Variants in DGKI observed in about 807,000 individuals in gnomAD.
The protein encoded by DGKI is diacylglycerol kinase iota.
DGKI carries 55 observed loss-of-function variants against 147.5 expected under a neutral mutation model. The ratio of observed to expected loss-of-function variants is 0.37; its 90% CI spans 0.30 to 0.47. DGKI has a LOEUF of 0.47. Ranked by LOEUF, DGKI falls within the 20% of genes least tolerant of loss-of-function variation. The pLI is 1.00. For missense variants in DGKI, 1,007 were observed against 1,323.8 expected, an observed-to-expected ratio of 0.76 and a Z score of 3.71; for synonymous variants, 469 against 477.1, an observed-to-expected ratio of 0.98 and a Z score of 0.22.
In DGKI at chr7:137,397,524, T is replaced by C. The variant is rs1264427257; in HGVS notation, c.2921-111A>G. On this transcript the variant is annotated intron_variant, in intron 30 of 32. Transcript: ENST00000614521. The stretch of plus-strand genomic sequence containing the variant: ...TGCCTTGGAAAGCTAAATTTGGGGA[T>C]AGGAATAATAAGACAGAAAGAAAAA... 6.1e-6 allele frequency: 6 copies of C among 986,000 alleles called. No individual in the cohort carries two copies. The East Asian group carries it at 1.2e-4, about 20-fold the overall frequency. 61.1% of individuals were successfully genotyped at this position (986,000 alleles called of 1,614,324 possible). A position where few individuals can be genotyped will look rare whatever the true frequency, so the allele number is the denominator to read the frequency against.
At chr7:137,780,879 CT>C (rs979462582) in intron 1 of DGKI, among the ~76,000 whole-genome samples, 1 of 152,182 alleles carries the variant, frequency 6.6e-6, no homozygotes, top group African/African-American at 2.4e-5. Flanking sequence ...GTCCACAACC[CT>C]TCAATCAAGG....
chr7:137,760,162 C>T (rs1238805894), intron 1 of DGKI, among the ~76,000 whole-genome samples: 1 of 152,088 alleles, frequency 6.6e-6, no homozygotes, highest in Non-Finnish European at 1.5e-5. Context: ...CCTGCGGGCC[C>T]TCTCCTTTCT....
chr7:137,568,903 T>A (rs188294646), intron 19 of DGKI, among the ~76,000 whole-genome samples: 1 of 150,374 alleles, frequency 6.7e-6, no homozygotes, highest in Admixed American at 6.6e-5. Flanking sequence ...AAAATTATAC[T>A]AATTATACAA....
At chr7:137,530,776 GA>G (rs1817312558) in intron 20 of DGKI, among the ~76,000 whole-genome samples, 1 of 151,992 alleles carries the variant, frequency 6.6e-6, no homozygotes, top group Non-Finnish European at 1.5e-5. Context: ...TGGTTCAAAG[GA>G]AAAACCTACT....
At chr7:137,523,268 A>C (rs946216237) in intron 20 of DGKI, among the ~76,000 whole-genome samples, 3 of 152,152 alleles carry the variant, frequency 2.0e-5, no homozygotes, top group South Asian at 2.1e-4. Flanking sequence ...ACTCTGGAAG[A>C]GGGAGTAAAA....
At chr7:137,788,584 T>C (rs1796745876) in intron 1 of DGKI, among the ~76,000 whole-genome samples, 2 of 150,872 alleles carry the variant, frequency 1.3e-5, no homozygotes, top group Admixed American at 1.3e-4. Flanking sequence ...TATATCTCTA[T>C]TCTTGTTGGT....
intron 1 of DGKI, among the ~76,000 whole-genome samples, chr7:137,845,602 C>A (rs1377816334): frequency 6.6e-6 from 1 of 152,186 alleles, no homozygotes; most frequent in Non-Finnish European, 1.5e-5. Flanking sequence ...TTATTCTTGC[C>A]TGCGGAAGGG....
chr7:137,599,888 C>T lies in DGKI; in HGVS notation c.1185G>A (p.Gln395=). The change falls in exon 11 of 33, where the codon CAG becomes CAA. Residue 395 remains glutamine, a synonymous_variant. Transcript: ENST00000614521. The part of the protein sequence containing the change: ...SGGNQGTKVL[Q]MFMWYLNPRQ... ...GTGGATTCAGGTACCACATGAACAT[C>T]TGCAGGACTTTGGTTCCCTGTAAAA... 6.2e-7 allele frequency: 1 copy of T among 1,613,356 alleles called. No homozygotes were observed. Among genetic ancestry groups the T allele is most frequent in the Non-Finnish European group, 8.5e-7 (1 of 1,179,384 alleles).
intron 23 of DGKI, among the ~76,000 whole-genome samples, chr7:137,476,636 C>T (rs1815181229): frequency 6.6e-6 from 1 of 152,186 alleles, no homozygotes; most frequent in South Asian, 2.1e-4. Context: ...AACCCATAAT[C>T]TTCTATGCAT....
At chr7:137,549,598 A>G (rs1817978914) in intron 20 of DGKI, among the ~76,000 whole-genome samples, 1 of 152,256 alleles carries the variant, frequency 6.6e-6, no homozygotes, top group Admixed American at 6.5e-5. Context: ...AAGGCAGGAA[A>G]TAAAGAAAAT....
At chr7:137,464,650 A>C (rs896192407) in intron 26 of DGKI, among the ~76,000 whole-genome samples, 2 of 152,162 alleles carry the variant, frequency 1.3e-5, no homozygotes, top group Non-Finnish European at 2.9e-5. Flanking sequence ...CTCCACCTAG[A>C]CTTGGTACAT....
intron 10 of DGKI, among the ~76,000 whole-genome samples, chr7:137,604,637 T>A (rs1479024203): frequency 2.0e-5 from 3 of 152,110 alleles, no homozygotes; most frequent in Non-Finnish European, 4.4e-5. Flanking sequence ...GGATTCCACA[T>A]CGAACAGTGT....
intron 27 of DGKI, among the ~76,000 whole-genome samples, chr7:137,460,738 T>A (rs1433642695): frequency 1.3e-5 from 2 of 152,202 alleles, no homozygotes; most frequent in East Asian, 3.8e-4. Flanking sequence ...TTAGAGATAC[T>A]CCAACTTGTA....
At chr7:137,748,434 A>G (rs1257009770) in intron 1 of DGKI, among the ~76,000 whole-genome samples, 4 of 152,174 alleles carry the variant, frequency 2.6e-5, no homozygotes, top group Admixed American at 1.3e-4. Flanking sequence ...TCATTATTAC[A>G]TAGTATTCAT....
chr7:137,447,747 A>T (rs1813770223), intron 27 of DGKI, among the ~76,000 whole-genome samples: 1 of 152,238 alleles, frequency 6.6e-6, no homozygotes, highest in African/African-American at 2.4e-5. Flanking sequence ...TCTAAGCTAA[A>T]TGGAGCAAGC....
chr7:137,664,763 T>A (rs1207015247), intron 3 of DGKI, among the ~76,000 whole-genome samples: 2 of 152,136 alleles, frequency 1.3e-5, no homozygotes, highest in Admixed American at 6.5e-5. Context: ...TTTGATCTCA[T>A]AGAAATTATA....
rs963132124 is a variant in DGKI at position 137,711,285 on chromosome 7, G to A, written c.402-21283C>T. On this transcript the variant is annotated intron_variant, in intron 1 of 32. Coordinates refer to ENST00000614521, the MANE Select transcript of DGKI (RefSeq NM_001321708.2). ...GATAATCTCTGGTATATACACACAA[G>A]ATGATAGTTAAAATATCATATCAGC... 3.3e-5 allele frequency among the ~76,000 whole-genome samples: 5 copies of A among 152,040 alleles called. No individual in the cohort carries two copies. In the East Asian group the frequency reaches 7.7e-4, roughly 23 times the overall value.
intron 2 of DGKI, among the ~76,000 whole-genome samples, chr7:137,685,389 T>C (rs1165254171): frequency 6.6e-6 from 1 of 152,180 alleles, no homozygotes; most frequent in African/African-American, 2.4e-5. Context: ...AAACAAATTA[T>C]GAAATGGTGG....
At chr7:137,461,274 T>G (rs924234333) in intron 27 of DGKI, among the ~76,000 whole-genome samples, 4 of 152,186 alleles carry the variant, frequency 2.6e-5, no homozygotes, top group African/African-American at 9.7e-5. Flanking sequence ...AAGATAAATA[T>G]TTTACCCTCT....
Sources: gnomAD v4.1 joint callset for allele counts (sites outside exome capture counted in the v4.1 genomes callset) on GRCh38, gnomAD v4.1.1 for gene constraint, MANE v1.5 for transcripts, NCBI Gene and HGNC (gene_info 2026-07-23, HGNC 2026-07-21) for gene names.